SATB2: variants seen among roughly 807,000 people sequenced by gnomAD.
SATB2 encodes the protein DNA-binding protein SATB2.
In SATB2, 1 loss-of-function variant was observed where a neutral mutation model predicts 73.4. That is an observed-to-expected ratio of 0.01 (90% CI 0.00 to 0.06). The LOEUF is 0.06. SATB2 is among the 10% of genes least tolerant of loss of function. The probability of loss-of-function intolerance (pLI) is 1.00; values close to 1 mark genes in which losing one functional copy is unlikely to be tolerated. For missense variants in SATB2, 459 were observed against 945.8 expected (o/e 0.49, Z 6.75); for synonymous variants, 397 against 367.0 (o/e 1.08, Z -0.93).
intron 2 of SATB2, among the ~76,000 whole-genome samples, chr2:199,442,279 C>T (rs529969775): frequency 5.8e-4 from 88 of 152,296 alleles, no homozygotes; most frequent in Middle Eastern, 3.4e-3. Flanking sequence ...AGGAAATGAT[C>T]CACATAAGTG....
At chr2:199,291,909 T>G (rs941395925) in intron 10 of SATB2, among the ~76,000 whole-genome samples, 2 of 149,592 alleles carry the variant, frequency 1.3e-5, no homozygotes, top group African/African-American at 4.9e-5. Flanking sequence ...AGACTCTGTC[T>G]CAAAAAAAAA....
intron 6 of SATB2, 38 bp from the exon 7 acceptor site, chr2:199,349,211 C>A (rs780003141): frequency 1.4e-6 from 2 of 1,445,472 alleles, no homozygotes; most frequent in East Asian, 2.4e-5. Flanking sequence ...TCATTATTTT[C>A]ATTGGTACAA....
intron 2 of SATB2, among the ~76,000 whole-genome samples, chr2:199,445,685 G>A (rs895068119): frequency 3.3e-5 from 5 of 152,166 alleles, no homozygotes; most frequent in African/African-American, 1.2e-4. Flanking sequence ...CTTGTAAAGT[G>A]ACTTTACCTG....
intron 8 of SATB2, 108 bp from the exon 9 acceptor site, chr2:199,324,066 GCTACAGAGGGACA>G (rs754619701): frequency 9.1e-7 from 1 of 1,097,392 alleles, no homozygotes; most frequent in Non-Finnish European, 1.4e-6. Context: ...AACTGCATTA[GCTACAGAGGGACA>G]CTTCCTGTCC....
chr2:199,340,668 T>A (rs964496775), intron 7 of SATB2, among the ~76,000 whole-genome samples: 3 of 152,212 alleles, frequency 2.0e-5, no homozygotes, highest in Non-Finnish European at 4.4e-5. Context: ...GTCTTCTTAT[T>A]GCTAATTCCT....
At chr2:199,372,369 T>A (rs1361357366) in intron 5 of SATB2, among the ~76,000 whole-genome samples, 1 of 152,234 alleles carries the variant, frequency 6.6e-6, no homozygotes, top group Non-Finnish European at 1.5e-5. Context: ...TGCAAGAGAA[T>A]AAATTTTATA....
intron 9 of SATB2, among the ~76,000 whole-genome samples, chr2:199,315,541 G>T (rs1031977794): frequency 6.6e-6 from 1 of 152,026 alleles, no homozygotes; most frequent in African/African-American, 2.4e-5. Context: ...GTACTGAAAT[G>T]CCACTGCATA....
chr2:199,322,854 T>C (rs1687927049), intron 9 of SATB2, among the ~76,000 whole-genome samples: 1 of 152,126 alleles, frequency 6.6e-6, no homozygotes, highest in Non-Finnish European at 1.5e-5. Context: ...AACAGAAGAT[T>C]TGTTAGGGAG....
Position 199,271,860 on chromosome 2 carries a change from T to A in SATB2, c.*351A>T, listed in dbSNP as rs6435006. 0.97 allele frequency: 320,637 copies of A among 330,336 alleles called. 156,364 individuals are homozygous for A. Among genetic ancestry groups the A allele is most frequent in the East Asian group, 1 (13,880 of 13,880 alleles). The allele number at this position is 330,336 out of a possible 1,614,324, so 20.5% of individuals were successfully genotyped here. A position where few individuals can be genotyped will look rare whatever the true frequency, so the allele number is the denominator to read the frequency against. ...TATTTCATAGTTCTTTTCATCCTGG[T>A]ACTTGCCTGATGTAACTTCCGTTAA... is the stretch of plus-strand genomic sequence containing the variant. On this transcript the variant is annotated 3_prime_UTR_variant, in exon 11 of 11. Coordinates refer to ENST00000417098, the MANE Select transcript of SATB2 (RefSeq NM_001172509.2).
At chr2:199,403,589 G>A (rs1409275667) in intron 3 of SATB2, among the ~76,000 whole-genome samples, 2 of 151,968 alleles carry the variant, frequency 1.3e-5, no homozygotes, top group South Asian at 2.1e-4. Context: ...CTTTTAAATC[G>A]CTGCTCTTTC....
At chr2:199,450,854 A>G (rs1692103080) in intron 2 of SATB2, among the ~76,000 whole-genome samples, 1 of 152,088 alleles carries the variant, frequency 6.6e-6, no homozygotes, top group African/African-American at 2.4e-5. Context: ...ATTTCCGTAT[A>G]CTTAAAATGA....
At chr2:199,461,592 G>A (rs1692478319), upstream of SATB2, among the ~76,000 whole-genome samples, 1 of 152,206 alleles carries the variant, frequency 6.6e-6, no homozygotes, top group African/African-American at 2.4e-5. Context: ...AAAACATGGA[G>A]TTCACATCTG....
In SATB2 at chr2:199,300,847, G is replaced by A. The variant is rs373868585; in HGVS notation, c.1740+7913C>T. Reference sequence around the variant, plus strand: ...TTCCCAGAAGGCAGGAAAAGACTGAGCGAAGTGGAACCCAGCTGTTTGACA... The same window carrying A: ...TTCCCAGAAGGCAGGAAAAGACTGAACGAAGTGGAACCCAGCTGTTTGACA... On this transcript the variant is annotated intron_variant, in intron 10 of 10. Transcript: ENST00000417098. 4.3e-4 allele frequency among the ~76,000 whole-genome samples: 66 copies of A among 152,230 alleles called. 1 individual carries two copies. Among genetic ancestry groups the A allele is most frequent in the African/African-American group, 1.2e-3 (51 of 41,546 alleles).
Position 199,308,703 on chromosome 2 carries a change from C to G in SATB2, c.1740+57G>C. The G allele has an allele frequency of 1.4e-6, 2 of 1,474,036 alleles. No individual in the cohort carries two copies. The highest frequency in any genetic ancestry group is 1.9e-6 in the Non-Finnish European group (2 of 1,055,754). The allele number at this position is 1,474,036 out of a possible 1,614,324, so 91.3% of individuals were successfully genotyped here. A position where few individuals can be genotyped will look rare whatever the true frequency, so the allele number is the denominator to read the frequency against. On this transcript the variant is annotated intron_variant, in intron 10 of 10. Coordinates refer to ENST00000417098, the MANE Select transcript of SATB2 (RefSeq NM_001172509.2). This position sits in a 1 kb window ranked among gnomAD's most constrained non-coding sequence, Gnocchi z 4.6. ...TGTGTGCCACTTGGACCCTCAGCAG[C>G]TACTGCTGGCACACAGAGCCCTGAT...
chr2:199,436,734 T>C (rs1691663617), intron 2 of SATB2, among the ~76,000 whole-genome samples: 1 of 151,542 alleles, frequency 6.6e-6, no homozygotes, highest in East Asian at 1.9e-4. Flanking sequence ...ATCATTGAGG[T>C]CAAGTGTAGA....
chr2:199,398,913 CT>C (rs1690384166), intron 3 of SATB2, among the ~76,000 whole-genome samples: 1 of 152,192 alleles, frequency 6.6e-6, no homozygotes, highest in African/African-American at 2.4e-5. Context: ...AGTAAATCTT[CT>C]AATAAACTGA....
intron 10 of SATB2, among the ~76,000 whole-genome samples, chr2:199,305,886 C>T (rs557637444): frequency 6.6e-6 from 1 of 152,204 alleles, no homozygotes; most frequent in South Asian, 2.1e-4. Flanking sequence ...GTGAAGAGGA[C>T]TTACGTGTTT....
chr2:199,363,535 G>C (rs1450646463), intron 6 of SATB2, among the ~76,000 whole-genome samples: 2 of 152,204 alleles, frequency 1.3e-5, no homozygotes, highest in African/African-American at 4.8e-5. Flanking sequence ...CAAAGTCTCA[G>C]TGAGGCGAAA....
intron 3 of SATB2, among the ~76,000 whole-genome samples, chr2:199,395,162 T>C (rs1690261191): frequency 6.6e-6 from 1 of 152,158 alleles, no homozygotes; most frequent in Admixed American, 6.5e-5. Flanking sequence ...CTTTGGATAC[T>C]GATGACACCT....
Sources: gnomAD v4.1 joint callset for allele counts (sites outside exome capture counted in the v4.1 genomes callset) on GRCh38, gnomAD v4.1.1 for gene constraint, Gnocchi (gnomAD v3.1) non-coding constraint, MANE v1.5 for transcripts, NCBI Gene and HGNC (gene_info 2026-07-23, HGNC 2026-07-21) for gene names.